The following GNG7 variants were observed in gnomAD, a reference collection of about 807,000 sequenced individuals.
GNG7 encodes G protein subunit gamma 7, also known as guanine nucleotide-binding protein G(I)/G(S)/G(O) subunit gamma-7.
In GNG7, 1 loss-of-function variant was observed where a neutral mutation model predicts 4.0. The ratio of observed to expected loss-of-function variants is 0.25; its 90% CI spans 0.09 to 1.18. The LOEUF (loss-of-function observed/expected upper bound fraction) is 1.18, where lower values mean the gene tolerates loss of function less well. Among genes scored for constraint, GNG7 ranks in the 50% most tolerant of loss-of-function variants. GNG7 has a pLI of 0.50. For missense variants in GNG7, 86 were observed against 91.9 expected (o/e 0.94, Z 0.26); for synonymous variants, 34 against 36.9 (o/e 0.92, Z 0.29).
intron 2 of GNG7, among the ~76,000 whole-genome samples, chr19:2,616,054 CCCAGTAGCCAG>C (rs1981715867): frequency 6.6e-6 from 1 of 152,190 alleles, no homozygotes; most frequent in Admixed American, 6.5e-5. Context: ...GGAAAAAACA[CCCAGTAGCCAG>C]TGGCCCACTG....
intron 2 of GNG7, among the ~76,000 whole-genome samples, chr19:2,585,025 AGGGAGGGAC>A (rs1980626601): frequency 1.0e-5 from 1 of 96,296 alleles, no homozygotes; most frequent in Non-Finnish European, 2.0e-5. Flanking sequence ...GGAAGGAGGG[AGGGAGGGAC>A]GGAGGGAGGG....
chr19:2,598,842 C>T (rs1981114676), intron 2 of GNG7, among the ~76,000 whole-genome samples: 2 of 151,618 alleles, frequency 1.3e-5, no homozygotes, highest in African/African-American at 2.4e-5. Context: ...AAGGTGATCA[C>T]GGAAAAAGAA....
intron 4 of GNG7, among the ~76,000 whole-genome samples, chr19:2,515,920 T>C (rs1972729093): frequency 6.6e-6 from 1 of 151,746 alleles, no homozygotes; most frequent in African/African-American, 2.4e-5. Flanking sequence ...GTGGTAAACT[T>C]TATATGTGTC....
intron 1 of GNG7, among the ~76,000 whole-genome samples, chr19:2,693,113 A>C (rs1913171744): frequency 6.6e-6 from 1 of 151,714 alleles, no homozygotes; most frequent in Non-Finnish European, 1.5e-5. Context: ...CAACATAGTG[A>C]GACTCCATCT....
chr19:2,680,979 A>T (rs1983719372), intron 1 of GNG7, among the ~76,000 whole-genome samples: 1 of 151,890 alleles, frequency 6.6e-6, no homozygotes, highest in South Asian at 2.1e-4. Context: ...AATTCTAGCC[A>T]TCTTACTGGG....
At chr19:2,553,628 C>A (rs561110982) in intron 3 of GNG7, among the ~76,000 whole-genome samples, 3 of 100,798 alleles carry the variant, frequency 3.0e-5, no homozygotes, top group Non-Finnish European at 7.5e-5. Context: ...TACATGCACA[C>A]GTTACATGTA....
At chr19:2,673,108 T>A (rs1463675342) in intron 1 of GNG7, among the ~76,000 whole-genome samples, 7 of 151,510 alleles carry the variant, frequency 4.6e-5, no homozygotes, top group African/African-American at 1.5e-4. Flanking sequence ...ATACAAAAAA[T>A]TAGCTGGGCG....
chr19:2,612,212 C>T (rs1981590251), intron 2 of GNG7, among the ~76,000 whole-genome samples: 1 of 152,068 alleles, frequency 6.6e-6, no homozygotes, highest in South Asian at 2.1e-4. Flanking sequence ...TGACTTTGGT[C>T]TACGGTCTCC....
chr19:2,554,559 A>ATTTTTTT (rs34740203), intron 3 of GNG7, among the ~76,000 whole-genome samples: 25 of 130,136 alleles, frequency 1.9e-4, no homozygotes, highest in African/African-American at 6.4e-4. Context: ...ATATATATAT[A>ATTTTTTT]TTTTTTTTTT....
chr19:2,667,213 T>C (rs1219787279), intron 1 of GNG7, among the ~76,000 whole-genome samples: 2 of 152,102 alleles, frequency 1.3e-5, no homozygotes, highest in African/African-American at 4.8e-5. Flanking sequence ...TCCCGGATAC[T>C]TGGGAGGCTG....
chr19:2,608,632 C>T (rs1362763709), intron 2 of GNG7, among the ~76,000 whole-genome samples: 3 of 152,202 alleles, frequency 2.0e-5, no homozygotes, highest in South Asian at 2.1e-4. Context: ...GGCAAGGGGC[C>T]GGGTGCCTCC....
intron 2 of GNG7, among the ~76,000 whole-genome samples, chr19:2,566,740 C>T (rs550434104): frequency 9.3e-4 from 142 of 152,270 alleles, no homozygotes; most frequent in Middle Eastern, 3.4e-3. Flanking sequence ...GCCACAGAGG[C>T]AGGAGAGGCT....
chr19:2,565,669 C>T (rs1979883773), intron 2 of GNG7, among the ~76,000 whole-genome samples: 1 of 152,148 alleles, frequency 6.6e-6, no homozygotes, highest in Admixed American at 6.6e-5. Context: ...AGAGGCCCAT[C>T]CCACCCGGAA....
intron 4 of GNG7, among the ~76,000 whole-genome samples, chr19:2,515,433 CTTT>C (rs57325291): frequency 1.4e-5 from 2 of 147,918 alleles, no homozygotes; most frequent in African/African-American, 5.0e-5. Context: ...CCATTTCTTT[CTTT>C]TTTTTTTTTG....
At chr19:2,696,178 A>AGAGAGAGGAGAGAGAGGG (rs1297115731) in intron 1 of GNG7, among the ~76,000 whole-genome samples, 2 of 143,626 alleles carry the variant, frequency 1.4e-5, no homozygotes, top group Non-Finnish European at 3.1e-5. Flanking sequence ...AGAGAGAAAG[A>AGAGAGAGGAGAGAGAGGG]GAGAGAGGAG....
chr19:2,593,370 G>T (rs1980908840), intron 2 of GNG7, among the ~76,000 whole-genome samples: 1 of 152,136 alleles, frequency 6.6e-6, no homozygotes, highest in Non-Finnish European at 1.5e-5. Flanking sequence ...AAAAGAAATA[G>T]TATTGAGTCA....
At chr19:2,669,794 G>C (rs181396066) in intron 1 of GNG7, among the ~76,000 whole-genome samples, 3 of 152,170 alleles carry the variant, frequency 2.0e-5, no homozygotes, top group Non-Finnish European at 4.4e-5. Context: ...AGGATCACTT[G>C]AGGCCAGGAG....
At chr19:2,636,225 G>A (rs753987506) in intron 2 of GNG7, among the ~76,000 whole-genome samples, 41 of 152,288 alleles carry the variant, frequency 2.7e-4, no homozygotes, top group Non-Finnish European at 4.0e-4. Context: ...GGGGGTGGAT[G>A]GAATTCTCCT....
At chr19:2,596,316 G>A (rs2144807054) in intron 2 of GNG7, among the ~76,000 whole-genome samples, 1 of 152,092 alleles carries the variant, frequency 6.6e-6, no homozygotes, top group East Asian at 1.9e-4. Flanking sequence ...CTGAGATCGT[G>A]CCTCTGCACT....
Sources: gnomAD v4.1 joint callset for allele counts (sites outside exome capture counted in the v4.1 genomes callset) on GRCh38, gnomAD v4.1.1 for gene constraint, MANE v1.5 for transcripts, NCBI Gene and HGNC (gene_info 2026-07-23, HGNC 2026-07-21) for gene names.